ZDHHC6: variants seen among roughly 807,000 people sequenced by gnomAD.
The protein encoded by ZDHHC6 is palmitoyltransferase ZDHHC6.
Under a neutral mutation model 57.8 loss-of-function variants are expected in ZDHHC6, and 32 were observed. The observed-to-expected ratio is 0.55, with a 90% CI of 0.42 to 0.74. The LOEUF is 0.74. Among genes scored for constraint, ZDHHC6 ranks in the 30% least tolerant of loss-of-function variants. The probability of loss-of-function intolerance (pLI) is 0.00; values close to 1 mark genes in which losing one functional copy is unlikely to be tolerated. For missense variants in ZDHHC6, 433 were observed against 500.7 expected (o/e 0.86, Z 1.29); for synonymous variants, 128 against 158.0 (o/e 0.81, Z 1.42).
rs770905424 is a variant in ZDHHC6 at position 112,434,378 on chromosome 10, C to A, written c.822G>T (p.Gln274His). The change falls in exon 7 of 11, where the codon CAG becomes CAT. Residue 274 changes from glutamine to histidine, a missense_variant. Physicochemically the swap from Gln to His is conservative, Grantham distance 24. Coordinates refer to ENST00000369405, the MANE Select transcript of ZDHHC6 (RefSeq NM_022494.3). ...DMGSRWRNFK[Q>H]VFTWSGVPEG... The stretch of plus-strand genomic sequence containing the variant: ...CAGGGACCCCTGACCACGTAAATAC[C>A]TGTTTAAAGTTCCTCCATCTACTTC... The A allele has an allele frequency of 6.2e-7, 1 of 1,613,952 alleles. No individual in the cohort carries two copies.
rs983940914 is a variant in ZDHHC6 at position 112,430,559 on chromosome 10, T to G, written c.*245A>C. On this transcript the variant is annotated 3_prime_UTR_variant, in exon 11 of 11. Coordinates refer to ENST00000369405, the MANE Select transcript of ZDHHC6 (RefSeq NM_022494.3). ...CTACAGAAAATGCCGTTAACTTACT[T>G]GGATGAAATGTTTTTCCTTTGAGGG... 15 of 351,478 alleles carry G rather than the reference T, an allele frequency of 4.3e-5. No individual in the cohort carries two copies. The highest frequency in any genetic ancestry group is 5.7e-5 in the Non-Finnish European group (11 of 193,516). 21.8% of individuals were successfully genotyped at this position (351,478 alleles called of 1,614,324 possible). A position where few individuals can be genotyped will look rare whatever the true frequency, so the allele number is the denominator to read the frequency against.
downstream of ZDHHC6, chr10:112,426,236 A>ACCTTTTATT (rs1273011791): frequency 4.4e-6 from 7 of 1,597,934 alleles, no homozygotes; most frequent in East Asian, 1.6e-4. Flanking sequence ...ATGCCCTTGC[A>ACCTTTTATT]CCTTTTATTT....
At chr10:112,436,055 G>A (rs1845497463) in intron 6 of ZDHHC6, among the ~76,000 whole-genome samples, 2 of 152,184 alleles carry the variant, frequency 1.3e-5, no homozygotes, top group Non-Finnish European at 2.9e-5. Flanking sequence ...AGAGGGAAGA[G>A]CATTCTAGGC....
downstream of ZDHHC6, chr10:112,425,393 G>A: frequency 1.2e-6 from 2 of 1,613,368 alleles, no homozygotes; most frequent in Non-Finnish European, 1.7e-6. Context: ...CTGGCCCAAG[G>A]AGAATACATT....
Position 112,445,155 on chromosome 10 carries a change from C to T in ZDHHC6, c.267+15G>A. 1 of 1,605,952 alleles carries T rather than the reference C, an allele frequency of 6.2e-7. No homozygotes were observed. The highest frequency in any genetic ancestry group is 1.1e-5 in the South Asian group (1 of 90,464). On this transcript the variant is annotated intron_variant, in intron 2 of 10. Transcript: ENST00000369405. ...ATTATCATTAAAGTTCATTGTCTTACAGAATCTTTCTTACCGGTTTCCACC... is the reference window on the plus strand; with the variant it reads ...ATTATCATTAAAGTTCATTGTCTTATAGAATCTTTCTTACCGGTTTCCACC...
At chr10:112,447,420 C>G, upstream of ZDHHC6, 1 of 1,613,734 alleles carries the variant, frequency 6.2e-7, no homozygotes, top group Non-Finnish European at 8.5e-7. Flanking sequence ...GCGGTGCTCA[C>G]TGCAGAGATC....
rs991730104 is a variant in ZDHHC6 at position 112,443,559 on chromosome 10, T to C, written c.315A>G (p.Gln105=). The C allele has an allele frequency of 1.9e-6, 3 of 1,613,790 alleles. No homozygotes were observed. Among genetic ancestry groups the C allele is most frequent in the African/African-American group, 2.7e-5 (2 of 74,922 alleles). Residue 105 remains glutamine, a synonymous_variant, in exon 3 of 11, where the codon CAA becomes CAG. Transcript: ENST00000369405. ...TMYLQYCKVC[Q]AYKAPRSHHC... ...GATGTGAACGTGGTGCCTTGTATGCTTGGCAGACTTTACAATACTGGAGAT... is the reference window on the plus strand; with the variant it reads ...GATGTGAACGTGGTGCCTTGTATGCCTGGCAGACTTTACAATACTGGAGAT...
intron 10 of ZDHHC6, among the ~76,000 whole-genome samples, chr10:112,431,241 T>A (rs1351349101): frequency 6.6e-6 from 1 of 152,204 alleles, no homozygotes; most frequent in Non-Finnish European, 1.5e-5. Flanking sequence ...ACCATCACAC[T>A]GTCTTTTCCA....
Position 112,440,676 on chromosome 10 carries a change from GT to G in ZDHHC6, c.538del (p.Thr180GlnfsTer2), listed in dbSNP as rs1273004379. 10 of 1,613,658 alleles carry G rather than the reference GT, an allele frequency of 6.2e-6. No individual in the cohort carries two copies. Among genetic ancestry groups the G allele is most frequent in the Non-Finnish European group, 8.5e-6 (10 of 1,179,730 alleles). On this transcript the variant is annotated frameshift_variant, in exon 5 of 11. Transcript: ENST00000369405. LOFTEE classifies it high-confidence loss of function. Reference sequence around the variant, plus strand: ...GGCTGCACTCATGTCGATCTTCACTGTGTTCCACCCAAAGGAGAGCTATCGC... The same window carrying G: ...GGCTGCACTCATGTCGATCTTCACTGGTTCCACCCAAAGGAGAGCTATCGC... ...LYHRLSFGWN[T>X]VKIDMSAARR...
intron 5 of ZDHHC6, among the ~76,000 whole-genome samples, chr10:112,439,423 G>C (rs191850342): frequency 6.6e-6 from 1 of 151,762 alleles, no homozygotes; most frequent in Non-Finnish European, 1.5e-5. Flanking sequence ...ACAAGGTCAG[G>C]AGTTCAAGAC....
chr10:112,438,407 G>T lies in ZDHHC6; in HGVS notation c.682-18C>A. On this transcript the variant is annotated intron_variant, in intron 5 of 10. Coordinates refer to ENST00000369405, the MANE Select transcript of ZDHHC6 (RefSeq NM_022494.3). ...ATTTTCATCTGGAAATTAAATGATA[G>T]TAAAATTTAATAATGCGACCTTGGT... 7.3e-7 allele frequency: 1 copy of T among 1,367,792 alleles called. No individual in the cohort carries two copies. The highest frequency in any genetic ancestry group is 9.7e-7 in the Non-Finnish European group (1 of 1,027,072). The allele number at this position is 1,367,792 out of a possible 1,614,324, so 84.7% of individuals were successfully genotyped here.
chr10:112,442,885 T>C (rs531701740), intron 3 of ZDHHC6, among the ~76,000 whole-genome samples: 2 of 74,240 alleles, frequency 2.7e-5, no homozygotes, highest in Non-Finnish European at 7.0e-5. Context: ...ATAAACAAAG[T>C]CTTGCCGTGT....
chr10:112,425,623 T>C, downstream of ZDHHC6: 1 of 766,918 alleles, frequency 1.3e-6, no homozygotes, highest in Non-Finnish European at 1.9e-6. Flanking sequence ...TGAAGTTACA[T>C]TCCAAACCTC....
At chr10:112,440,383 G>A in intron 5 of ZDHHC6, 151 bp downstream of exon 5, 1 of 841,484 alleles carries the variant, frequency 1.2e-6, no homozygotes, top group South Asian at 2.4e-5. Context: ...AAAATTATCT[G>A]ACGAATACAA....
Position 112,430,777 on chromosome 10 carries a change from T to TAA in ZDHHC6, c.*25_*26dup, listed in dbSNP as rs948134506. ...CAATTTTCAAGTAATTAAGCAGACT[T>TAA]AAAGGATAATTTTGTTTTAACAGCA... On this transcript the variant is annotated 3_prime_UTR_variant, in exon 11 of 11. Coordinates refer to ENST00000369405, the MANE Select transcript of ZDHHC6 (RefSeq NM_022494.3). 1 of 1,590,776 alleles carries TAA rather than the reference T, an allele frequency of 6.3e-7. No individual in the cohort carries two copies. Among genetic ancestry groups the TAA allele is most frequent in the African/African-American group, 1.3e-5 (1 of 74,472 alleles).
At chr10:112,447,547 G>C, upstream of ZDHHC6, 1 of 1,498,684 alleles carries the variant, frequency 6.7e-7, no homozygotes, top group Non-Finnish European at 9.1e-7. Flanking sequence ...CCGAGTAAGT[G>C]TGTCTATGAG....
chr10:112,445,721 G>T (rs1038838739), intron 1 of ZDHHC6, 71 bp from the exon 2 acceptor site: 7 of 496,672 alleles, frequency 1.4e-5, no homozygotes, highest in African/African-American at 3.8e-5. Context: ...TACCATACTT[G>T]TTAACTACAA....
chr10:112,445,068 G>T (rs1414872055), intron 2 of ZDHHC6, 102 bp downstream of exon 2: 10 of 1,339,706 alleles, frequency 7.5e-6, no homozygotes, highest in Non-Finnish European at 9.1e-6. Context: ...TCTCTGTGAG[G>T]ACAAACAGTA....
chr10:112,447,365 G>A (rs1444742688), upstream of ZDHHC6: 1 of 1,612,206 alleles, frequency 6.2e-7, no homozygotes, highest in African/African-American at 1.3e-5. Context: ...TACTCGTTCC[G>A]GAGCCGCCAT....
Sources: allele counts gnomAD v4.1 joint callset (sites outside exome capture counted in the v4.1 genomes callset), GRCh38; gene constraint gnomAD v4.1.1; transcripts MANE v1.5; gene names NCBI Gene and HGNC (gene_info 2026-07-23, HGNC 2026-07-21).